Variants in RNF220 observed in about 807,000 individuals in gnomAD.
RNF220 encodes E3 ubiquitin-protein ligase RNF220.
In RNF220, 7 loss-of-function variants were observed where a neutral mutation model predicts 67.1. That is an observed-to-expected ratio of 0.10 (90% CI 0.06 to 0.20). The LOEUF (loss-of-function observed/expected upper bound fraction) is 0.20. RNF220 is among the 10% of genes least tolerant of loss of function. The pLI is 1.00. For synonymous variants in RNF220, 270 were observed against 283.2 expected (o/e 0.95, Z 0.47); for missense variants, 565 against 740.3 (o/e 0.76, Z 2.75).
At chr1:44,644,833 G>A in intron 9 of RNF220, 39 bp downstream of exon 9, 1 of 1,569,642 alleles carries the variant, frequency 6.4e-7, no homozygotes, top group Non-Finnish European at 8.8e-7. Context: ...GGGGCTGATA[G>A]GGCAGGCACA....
intron 2 of RNF220, among the ~76,000 whole-genome samples, chr1:44,434,689 C>T (rs1177057672): frequency 6.7e-6 from 1 of 149,586 alleles, no homozygotes; most frequent in Admixed American, 6.7e-5. Context: ...TGCACTCCAG[C>T]CTGGGCGACA....
intron 2 of RNF220, among the ~76,000 whole-genome samples, chr1:44,556,462 C>T (rs1418803000): frequency 1.3e-5 from 2 of 150,776 alleles, no homozygotes; most frequent in African/African-American, 5.0e-5. Context: ...TACCTGCTGT[C>T]CTCTGGTAAA....
At chr1:44,466,723 A>C (rs1157420733) in intron 2 of RNF220, among the ~76,000 whole-genome samples, 1 of 152,184 alleles carries the variant, frequency 6.6e-6, no homozygotes, top group Non-Finnish European at 1.5e-5. Flanking sequence ...TTTTGATAGG[A>C]ATCTTTTTCT....
In RNF220 at chr1:44,644,754, G is replaced by A; in HGVS notation, c.1183G>A (p.Asp395Asn). 6.2e-7 allele frequency: 1 copy of A among 1,614,154 alleles called. No individual in the cohort carries two copies. The highest frequency in any genetic ancestry group is 8.5e-7 in the Non-Finnish European group (1 of 1,179,994). ...GAACCCGGACAGTGATGCTGACTTGGATGTGGATGGGGATGACACTCTGGA... is the reference window on the plus strand; with the variant it reads ...GAACCCGGACAGTGATGCTGACTTGAATGTGGATGGGGATGACACTCTGGA... ...KENPDSDADL[D>N]VDGDDTLEYG... The change falls in exon 9 of 15, where the codon GAT (aspartate) becomes AAT (asparagine). Residue 395 changes from aspartate (D) to asparagine (N), a missense_variant. Coordinates refer to ENST00000361799, the MANE Select transcript of RNF220 (RefSeq NM_018150.4).
chr1:44,482,899 G>T (rs887611586), intron 2 of RNF220, among the ~76,000 whole-genome samples: 1 of 143,504 alleles, frequency 7.0e-6, no homozygotes, highest in African/African-American at 2.6e-5. Flanking sequence ...GGGATTGTAA[G>T]AGTGAGCCAC....
At chr1:44,584,201 G>T (rs1390224325) in intron 2 of RNF220, among the ~76,000 whole-genome samples, 2 of 152,174 alleles carry the variant, frequency 1.3e-5, no homozygotes, top group Admixed American at 1.3e-4. Flanking sequence ...ATGTCCTTTG[G>T]CCCTTAGATT....
chr1:44,454,914 A>C (rs1338875563), intron 2 of RNF220, among the ~76,000 whole-genome samples: 1 of 152,144 alleles, frequency 6.6e-6, no homozygotes, highest in African/African-American at 2.4e-5. Flanking sequence ...ATGTGGATAT[A>C]CCGCCATTTG....
In RNF220 at chr1:44,644,807, C is replaced by T. The variant is rs764917122; in HGVS notation, c.1223+13C>T. On this transcript the variant is annotated intron_variant, in intron 9 of 14. Coordinates refer to ENST00000361799, the MANE Select transcript of RNF220 (RefSeq NM_018150.4). ...ATGGGAAGCCACAGTATCCTTGGAG[C>T]ACTATGGGGGCTGGTGGGGCTGATA... The T allele has an allele frequency of 1.9e-6, 3 of 1,603,494 alleles. No homozygotes were observed. Among genetic ancestry groups the T allele is most frequent in the Non-Finnish European group, 2.6e-6 (3 of 1,170,378 alleles).
At chr1:44,534,990 G>T (rs190658222) in intron 2 of RNF220, among the ~76,000 whole-genome samples, 1 of 152,124 alleles carries the variant, frequency 6.6e-6, no homozygotes, top group Admixed American at 6.5e-5. Context: ...GTCCAGACTC[G>T]TTGTGACCAG....
chr1:44,633,991 G>C (rs1443716923), intron 6 of RNF220, among the ~76,000 whole-genome samples: 1 of 152,268 alleles, frequency 6.6e-6, no homozygotes, highest in Non-Finnish European at 1.5e-5. Context: ...CTATAGTGAA[G>C]ACACAGGAAA....
At chr1:44,594,179 G>A (rs1187477179) in intron 2 of RNF220, among the ~76,000 whole-genome samples, 1 of 152,144 alleles carries the variant, frequency 6.6e-6, no homozygotes, top group Non-Finnish European at 1.5e-5. Context: ...ACCCAGAAGG[G>A]CCAGGCAGTG....
intron 2 of RNF220, among the ~76,000 whole-genome samples, chr1:44,418,746 T>C (rs1388805302): frequency 1.3e-5 from 2 of 152,148 alleles, no homozygotes; most frequent in East Asian, 3.8e-4. Flanking sequence ...AAAATAGAAT[T>C]ATATTTTTAT....
Position 44,622,798 on chromosome 1 carries a change from A to AATTACATGTTT in RNF220, c.804+12_804+22dup. 6.2e-7 allele frequency: 1 copy of AATTACATGTTT among 1,613,292 alleles called. No homozygotes were observed. The highest frequency in any genetic ancestry group is 8.5e-7 in the Non-Finnish European group (1 of 1,179,370). On this transcript the variant is annotated intron_variant, in intron 4 of 14. Coordinates refer to ENST00000361799, the MANE Select transcript of RNF220 (RefSeq NM_018150.4). This position sits in a 1 kb window ranked among gnomAD's most constrained non-coding sequence, Gnocchi z 4.3. Reference sequence around the variant, plus strand: ...CCAGGCACCCCAAAGGTAGGTGGCCAATTACATGTTTTCCTCCTGCCCATA... The same window carrying AATTACATGTTT: ...CCAGGCACCCCAAAGGTAGGTGGCCAATTACATGTTTATTACATGTTTTCCTCCTGCCCATA...
At chr1:44,492,116 A>C (rs1572667079) in intron 2 of RNF220, among the ~76,000 whole-genome samples, 1 of 152,246 alleles carries the variant, frequency 6.6e-6, no homozygotes, top group East Asian at 1.9e-4. Context: ...AAAGAATCTG[A>C]ATATTTATCT....
chr1:44,621,210 C>T lies in RNF220; in HGVS notation c.759-1532C>T, dbSNP rs1200480121. On this transcript the variant is annotated intron_variant, in intron 3 of 14. Coordinates refer to ENST00000361799, the MANE Select transcript of RNF220 (RefSeq NM_018150.4). The surrounding 1 kb of genome is among the most constrained non-coding windows in gnomAD (Gnocchi z 4.8). ...GGATTATAGGCGTGAGCCACTGCACCGGACCATGCATCTGTCTTTATGGAC... is the reference window on the plus strand; with the variant it reads ...GGATTATAGGCGTGAGCCACTGCACTGGACCATGCATCTGTCTTTATGGAC... 3.3e-5 allele frequency among the ~76,000 whole-genome samples: 5 copies of T among 152,302 alleles called. No homozygotes were observed. In the South Asian group the frequency reaches 6.2e-4, roughly 19 times the overall value.
rs139249917 is a variant in RNF220 at position 44,413,011 on chromosome 1, G to A, written c.625+289G>A. On this transcript the variant is annotated intron_variant, in intron 2 of 14. Transcript: ENST00000361799. The stretch of plus-strand genomic sequence containing the variant: ...GACTTGAGTGAAGAGGGGTGCCACC[G>A]ACGTACTGAAGTGAATGTCATTTCA... Among the ~76,000 whole-genome samples the A allele has an allele frequency of 6.5e-4, 99 of 152,274 alleles. 1 individual carries two copies. The East Asian group carries it at 0.015, about 23-fold the overall frequency.
intron 12 of RNF220, among the ~76,000 whole-genome samples, chr1:44,647,211 C>G (rs975700483): frequency 3.3e-5 from 5 of 152,156 alleles, no homozygotes; most frequent in African/African-American, 1.2e-4. Flanking sequence ...AGTTAGTTCT[C>G]CATTCTGGTG....
At chr1:44,631,482 T>G (rs537467579) in intron 5 of RNF220, among the ~76,000 whole-genome samples, 6 of 151,930 alleles carry the variant, frequency 3.9e-5, no homozygotes, top group Non-Finnish European at 7.4e-5. Flanking sequence ...TGGAGGATAC[T>G]GAGTTCCATG....
At chr1:44,494,004 C>T (rs1657095222) in intron 2 of RNF220, among the ~76,000 whole-genome samples, 1 of 151,888 alleles carries the variant, frequency 6.6e-6, no homozygotes, top group Non-Finnish European at 1.5e-5. Context: ...GTCAGGAGTT[C>T]GAGACCAGCC....
Sources: gnomAD v4.1 joint callset for allele counts (sites outside exome capture counted in the v4.1 genomes callset) on GRCh38, gnomAD v4.1.1 for gene constraint, Gnocchi (gnomAD v3.1) non-coding constraint, MANE v1.5 for transcripts, NCBI Gene and HGNC (gene_info 2026-07-23, HGNC 2026-07-21) for gene names.